PMF1: variants seen among roughly 807,000 people sequenced by gnomAD.
The protein encoded by PMF1 is polyamine-modulated factor 1.
PMF1 carries 21 observed loss-of-function variants against 26.7 expected under a neutral mutation model. The ratio of observed to expected loss-of-function variants is 0.79; its 90% CI spans 0.56 to 1.13. The LOEUF is 1.13. PMF1 is among the 50% of genes most tolerant of loss of function. The pLI is 0.00. For synonymous variants in PMF1, 105 were observed against 101.0 expected (o/e 1.04, Z -0.24); for missense variants, 266 against 254.9 (o/e 1.04, Z -0.30).
In PMF1 at chr1:156,233,714, CA is replaced by C. The variant is rs1658845323; in HGVS notation, c.357del (p.Glu120SerfsTer82). The C allele has an allele frequency of 1.2e-6, 2 of 1,612,720 alleles. No homozygotes were observed. Among genetic ancestry groups the C allele is most frequent in the East Asian group, 4.5e-5 (2 of 44,822 alleles). On this transcript the variant is annotated frameshift_variant, in exon 3 of 5. Transcript: ENST00000368277. LOFTEE classifies it high-confidence loss of function. ...AAATTGTGGAAGAAGGCAAAGTCCG[CA>C]AAGAGCCAGCCTGGTGAGAGTGGGG... is the stretch of plus-strand genomic sequence containing the variant. ...DKIVEEGKVR[K>X]EPAWRPSGIP...
chr1:156,221,373 C>T (rs564229427), intron 1 of PMF1, among the ~76,000 whole-genome samples: 6 of 152,336 alleles, frequency 3.9e-5, no homozygotes, highest in Non-Finnish European at 7.3e-5. Context: ...TCTTCCCTGA[C>T]CCGCTCTAAG....
At chr1:156,216,585 G>A (rs1657720758) in intron 1 of PMF1, among the ~76,000 whole-genome samples, 2 of 151,780 alleles carry the variant, frequency 1.3e-5, no homozygotes, top group Non-Finnish European at 2.9e-5. Flanking sequence ...CTGATCTCTC[G>A]CGCGTCCGAG....
At position 156,213,068 on chromosome 1, in the gene PMF1, A is replaced by C. The variant is rs1256304903; in HGVS notation, c.53A>C (p.His18Pro). Residue 18 changes from histidine (H) to proline (P), a missense_variant, in exon 1 of 5, where the codon CAT (histidine) becomes CCT (proline). Coordinates refer to ENST00000368277, the MANE Select transcript of PMF1 (RefSeq NM_007221.4). ...GGCAGCGGCTGTGAGGAAAAAAGGC[A>C]TGAGGGGTCGTCTTCGGAATCTGTG... ...NLGSGCEEKRHEGSSSESVPP... is the reference protein window; with the variant it reads ...NLGSGCEEKRPEGSSSESVPP... The C allele has an allele frequency of 1.2e-6, 2 of 1,614,224 alleles. No homozygotes were observed. The highest frequency in any genetic ancestry group is 1.7e-5 in the Admixed American group (1 of 60,038).
intron 1 of PMF1, chr1:156,225,758 C>A (rs1658341453): frequency 5.4e-6 from 3 of 556,614 alleles, no homozygotes; most frequent in Middle Eastern, 2.7e-4. Flanking sequence ...CTGTCCTGCA[C>A]AATTTATCTG....
chr1:156,224,862 G>C (rs2103097312), intron 1 of PMF1, among the ~76,000 whole-genome samples: 1 of 152,112 alleles, frequency 6.6e-6, no homozygotes, highest in South Asian at 2.1e-4. Flanking sequence ...AGTGTACACA[G>C]GACCAGAAAG....
At chr1:156,218,388 A>G (rs1407894253) in intron 1 of PMF1, among the ~76,000 whole-genome samples, 1 of 152,214 alleles carries the variant, frequency 6.6e-6, no homozygotes, top group Non-Finnish European at 1.5e-5. Flanking sequence ...ATGACACAGA[A>G]GGGAAATGCA....
In PMF1 at chr1:156,214,240, C is replaced by T. The variant is rs564415972; in HGVS notation, c.161+1064C>T. On this transcript the variant is annotated intron_variant, in intron 1 of 4. Transcript: ENST00000368277. ...TCACTTTTATATAATTTATATGACT[C>T]GAGAGTTTTGCCCATGATCCCACCA... is the stretch of plus-strand genomic sequence containing the variant. Among the ~76,000 whole-genome samples, 8 of 152,188 alleles carry T rather than the reference C, an allele frequency of 5.3e-5. No individual in the cohort carries two copies. In the South Asian group the frequency reaches 1.2e-3, roughly 24 times the overall value.
chr1:156,232,857 T>G (rs1422402719), intron 2 of PMF1, among the ~76,000 whole-genome samples: 1 of 151,342 alleles, frequency 6.6e-6, no homozygotes, highest in Non-Finnish European at 1.5e-5. Context: ...GCCTACAGGC[T>G]CTTTTTAAAT....
chr1:156,234,923 T>C (rs2736610), intron 3 of PMF1, among the ~76,000 whole-genome samples: 11,836 of 151,932 alleles, frequency 0.078, 558 homozygotes, highest in East Asian at 0.14. Flanking sequence ...AAGTGCAAGG[T>C]GGAGAAGTGG....
chr1:156,218,727 A>G (rs1352158131), intron 1 of PMF1, among the ~76,000 whole-genome samples: 1 of 151,982 alleles, frequency 6.6e-6, no homozygotes, highest in East Asian at 1.9e-4. Flanking sequence ...GGTTGCAGTG[A>G]GCTGAGATTG....
intron 1 of PMF1, among the ~76,000 whole-genome samples, chr1:156,229,641 G>T (rs997974775): frequency 6.6e-6 from 1 of 151,652 alleles, no homozygotes; most frequent in Non-Finnish European, 1.5e-5. Context: ...CGTGATCTCA[G>T]CTCACGGCAA....
chr1:156,230,326 TAAA>T (rs1184968017), intron 1 of PMF1, among the ~76,000 whole-genome samples: 2 of 152,268 alleles, frequency 1.3e-5, no homozygotes, highest in Non-Finnish European at 2.9e-5. Context: ...GCTCCCAATT[TAAA>T]GAAGATCGTT....
chr1:156,218,248 A>G (rs1401051985), intron 1 of PMF1, among the ~76,000 whole-genome samples: 3 of 152,132 alleles, frequency 2.0e-5, no homozygotes, highest in Non-Finnish European at 4.4e-5. Context: ...TTGATTTGCT[A>G]GAGTTGCTAG....
At chr1:156,222,887 A>T (rs189723332) in intron 1 of PMF1, among the ~76,000 whole-genome samples, 28 of 152,344 alleles carry the variant, frequency 1.8e-4, no homozygotes, top group Admixed American at 1.8e-3. Flanking sequence ...TATGCCGCAC[A>T]GGGTAAGATG....
At chr1:156,217,058 G>C (rs184232341) in intron 1 of PMF1, among the ~76,000 whole-genome samples, 2,147 of 150,654 alleles carry the variant, frequency 0.014, 63 homozygotes, top group African/African-American at 0.05. Context: ...ACATGAAGGG[G>C]AATATCACAC....
intron 1 of PMF1, among the ~76,000 whole-genome samples, chr1:156,227,726 G>A (rs1382658699): frequency 2.6e-5 from 4 of 151,638 alleles, no homozygotes; most frequent in East Asian, 2.0e-4. Flanking sequence ...TCGAACTCCC[G>A]ACTTCAAGTG....
chr1:156,225,470 T>A lies in PMF1; in HGVS notation c.162-6850T>A, dbSNP rs1024776136. 1.7e-5 allele frequency: 12 copies of A among 705,920 alleles called. No homozygotes were observed. In the East Asian group the frequency reaches 2.1e-4, roughly 12 times the overall value. 43.7% of individuals were successfully genotyped at this position (705,920 alleles called of 1,614,324 possible). ...CCCCCCTCCCACCCTTTCCCCACAG[T>A]TGGCAAAGTCCATTGTACCATTCTT... is the stretch of plus-strand genomic sequence containing the variant. On this transcript the variant is annotated intron_variant, in intron 1 of 4. Coordinates refer to ENST00000368277, the MANE Select transcript of PMF1 (RefSeq NM_007221.4).
intron 1 of PMF1, among the ~76,000 whole-genome samples, chr1:156,216,819 G>C (rs927728599): frequency 1.3e-5 from 2 of 151,878 alleles, no homozygotes; most frequent in African/African-American, 2.4e-5. Context: ...GGCCAGGGCC[G>C]ATCGACTCGC....
rs146017015 is a variant in PMF1 at position 156,238,666 on chromosome 1, T to C, written c.565-882T>C. On this transcript the variant is annotated intron_variant, in intron 4 of 4. Coordinates refer to ENST00000368277, the MANE Select transcript of PMF1 (RefSeq NM_007221.4). ...TGAGGGATACAGGTCCCCAAATTTA[T>C]GGCTCCTGGATCTCCCTGGTCTTCT... Among the ~76,000 whole-genome samples the C allele has an allele frequency of 7.9e-4, 121 of 152,350 alleles. 1 individual carries two copies. The highest frequency in any genetic ancestry group is 2.9e-3 in the African/African-American group (119 of 41,580).
Sources: gnomAD v4.1 joint callset for allele counts (sites outside exome capture counted in the v4.1 genomes callset) on GRCh38, gnomAD v4.1.1 for gene constraint, MANE v1.5 for transcripts, NCBI Gene and HGNC (gene_info 2026-07-23, HGNC 2026-07-21) for gene names.